Variants in RGMB observed in about 807,000 individuals in gnomAD.
RGMB encodes repulsive guidance molecule BMP co-receptor b.
Under a neutral mutation model 26.9 loss-of-function variants are expected in RGMB, and 16 were observed. That is an observed-to-expected ratio of 0.60 (90% confidence interval 0.40 to 0.90). The LOEUF (loss-of-function observed/expected upper bound fraction) is 0.90. Among genes scored for constraint, RGMB ranks in the 40% least tolerant of loss-of-function variants. The probability of loss-of-function intolerance (pLI) is 0.00; values close to 1 mark genes in which losing one functional copy is unlikely to be tolerated. For synonymous variants in RGMB, 225 were observed against 229.3 expected (o/e 0.98, Z 0.17); for missense variants, 512 against 573.3 (o/e 0.89, Z 1.09).
chr5:98,778,589 C>G (rs1366721640), intron 1 of RGMB, among the ~76,000 whole-genome samples: 1 of 152,170 alleles, frequency 6.6e-6, no homozygotes, highest in Non-Finnish European at 1.5e-5. Context: ...TGTCTCTTTT[C>G]ACTAAGTCTG....
chr5:98,775,594 C>A (rs1185017458), intron 1 of RGMB, among the ~76,000 whole-genome samples: 4 of 152,118 alleles, frequency 2.6e-5, no homozygotes, highest in African/African-American at 9.7e-5. Flanking sequence ...GGGATTGTGT[C>A]CCCCTTGGCT....
In RGMB at chr5:98,774,203, G is replaced by A; in HGVS notation, c.133G>A (p.Ala45Thr). ...GCTGTTCAGCCTCGGGCTGCTCCACGCAGGTAGGACGGGAGCGCGCGAGGG... is the reference window on the plus strand; with the variant it reads ...GCTGTTCAGCCTCGGGCTGCTCCACACAGGTAGGACGGGAGCGCGCGAGGG... ...LLLFSLGLLH[A>T]GDCQQPAQCR... The change falls in exon 1 of 3, where the codon GCA becomes ACA. Residue 45 changes from alanine (A) to threonine (T), a missense_variant. Coordinates refer to ENST00000513185, the MANE Select transcript of RGMB (RefSeq NM_001366508.1). 1 of 1,473,788 alleles carries A rather than the reference G, an allele frequency of 6.8e-7. No homozygotes were observed. Among genetic ancestry groups the A allele is most frequent in the Non-Finnish European group, 8.9e-7 (1 of 1,120,844 alleles). 91.3% of individuals were successfully genotyped at this position (1,473,788 alleles called of 1,614,324 possible). A position where few individuals can be genotyped will look rare whatever the true frequency, so the allele number is the denominator to read the frequency against.
At chr5:98,782,437 C>T (rs1025139455) in intron 2 of RGMB, among the ~76,000 whole-genome samples, 1 of 152,092 alleles carries the variant, frequency 6.6e-6, no homozygotes, top group African/African-American at 2.4e-5. Context: ...TGAAATTTTC[C>T]CTTAATGTCT....
chr5:98,793,793 A>C lies in RGMB; in HGVS notation c.*40A>C, dbSNP rs1308872458. Reference sequence around the variant, plus strand: ...TTTGGTTTTTTATTTTTTGTCTATAACAAAATTTTAAAATATATATTGTCA... The same window carrying C: ...TTTGGTTTTTTATTTTTTGTCTATACCAAAATTTTAAAATATATATTGTCA... On this transcript the variant is annotated 3_prime_UTR_variant, in exon 3 of 3. Transcript: ENST00000513185. 2 of 1,411,276 alleles carry C rather than the reference A, an allele frequency of 1.4e-6. No homozygotes were observed. Among genetic ancestry groups the C allele is most frequent in the Non-Finnish European group, 1.9e-6 (2 of 1,056,372 alleles). 87.4% of individuals were successfully genotyped at this position (1,411,276 alleles called of 1,614,324 possible). A position where few individuals can be genotyped will look rare whatever the true frequency, so the allele number is the denominator to read the frequency against.
rs1747028820 is a variant in RGMB, at chr5:98,793,908, GT to G, written c.*158del. ...ACACCCACCAGATTGTACATACTGTGTTTGGCTGTTTTCACATATGTTGGAT... is the reference window on the plus strand; with the variant it reads ...ACACCCACCAGATTGTACATACTGTGTTGGCTGTTTTCACATATGTTGGAT... On this transcript the variant is annotated 3_prime_UTR_variant, in exon 3 of 3. Coordinates refer to ENST00000513185, the MANE Select transcript of RGMB (RefSeq NM_001366508.1). 1.7e-6 allele frequency: 1 copy of G among 600,492 alleles called. No homozygotes were observed. The highest frequency in any genetic ancestry group is 3.4e-5 in the Admixed American group (1 of 29,752). The allele number at this position is 600,492 out of a possible 1,614,324, so 37.2% of individuals were successfully genotyped here. A position where few individuals can be genotyped will look rare whatever the true frequency, so the allele number is the denominator to read the frequency against.
In RGMB at chr5:98,793,528, A is replaced by T. The variant is rs1263157172; in HGVS notation, c.1089A>T (p.Pro363=). 6.2e-7 allele frequency: 1 copy of T among 1,614,008 alleles called. No individual in the cohort carries two copies. Among genetic ancestry groups the T allele is most frequent in the African/African-American group, 1.3e-5 (1 of 75,062 alleles). The change falls in exon 3 of 3, where the codon CCA becomes CCT. Residue 363 remains proline, a synonymous_variant. Transcript: ENST00000513185. The part of the protein sequence containing the change: ...TANTQCHEKM[P]VKDIYFQSCV... Reference sequence around the variant, plus strand: ...ACACTCAATGCCATGAGAAGATGCCAGTGAAGGACATCTATTTCCAGTCCT... The same window carrying T: ...ACACTCAATGCCATGAGAAGATGCCTGTGAAGGACATCTATTTCCAGTCCT...
At position 98,793,534 on chromosome 5, in the gene RGMB, G is replaced by T. The variant is rs1481780274; in HGVS notation, c.1095G>T (p.Lys365Asn). 6.2e-7 allele frequency: 1 copy of T among 1,613,976 alleles called. No individual in the cohort carries two copies. Residue 365 changes from lysine (K) to asparagine (N), a missense_variant, in exon 3 of 3, where the codon AAG becomes AAT. Physicochemically the swap from Lys to Asn is moderately conservative, Grantham distance 94. Coordinates refer to ENST00000513185, the MANE Select transcript of RGMB (RefSeq NM_001366508.1). ...AATGCCATGAGAAGATGCCAGTGAA[G>T]GACATCTATTTCCAGTCCTGTGTCT... ...NTQCHEKMPV[K>N]DIYFQSCVFD... is the part of the protein sequence containing the mutation.
intron 1 of RGMB, among the ~76,000 whole-genome samples, chr5:98,775,816 T>C (rs1723265885): frequency 6.6e-6 from 1 of 152,238 alleles, no homozygotes; most frequent in African/African-American, 2.4e-5. Flanking sequence ...AGCCCAACAA[T>C]GTGGTAAGCG....
At position 98,774,098 on chromosome 5, in the gene RGMB, G is replaced by A; in HGVS notation, c.28G>A (p.Ala10Thr). The A allele has an allele frequency of 8.1e-7, 1 of 1,238,920 alleles. No individual in the cohort carries two copies. The highest frequency in any genetic ancestry group is 1.1e-6 in the Non-Finnish European group (1 of 890,242). The allele number at this position is 1,238,920 out of a possible 1,614,324, so 76.7% of individuals were successfully genotyped here. Reference protein sequence around the residue: MGLRAAPSSAAAAAAEVEQR... With the variant: MGLRAAPSSTAAAAAEVEQR... ...GGGCTTGAGAGCAGCACCTTCCAGC[G>A]CCGCCGCTGCCGCCGCCGAGGTTGA... Residue 10 changes from alanine (A) to threonine (T), a missense_variant, in exon 1 of 3, where the codon GCC becomes ACC. Coordinates refer to ENST00000513185, the MANE Select transcript of RGMB (RefSeq NM_001366508.1).
chr5:98,790,190 T>C (rs1243514930), intron 2 of RGMB, among the ~76,000 whole-genome samples: 1 of 152,210 alleles, frequency 6.6e-6, no homozygotes, highest in Non-Finnish European at 1.5e-5. Flanking sequence ...TTACATTGAT[T>C]ATATCTCTAG....
intron 1 of RGMB, among the ~76,000 whole-genome samples, chr5:98,778,776 T>G (rs1018278399): frequency 1.3e-5 from 2 of 152,220 alleles, no homozygotes; most frequent in African/African-American, 2.4e-5. Context: ...TACTTTGGTT[T>G]TTCATAATGT....
In RGMB at chr5:98,780,217, G is replaced by T; in HGVS notation, c.645+129G>T. On this transcript the variant is annotated intron_variant, in intron 2 of 2. Transcript: ENST00000513185. ...AACTTCTTTTGAAAAGCAATTAACA[G>T]TTGATAAAGGGTTAAATAAAAATTA... 2.6e-6 allele frequency: 2 copies of T among 783,160 alleles called. 1 individual carries two copies. 48.5% of individuals were successfully genotyped at this position (783,160 alleles called of 1,614,324 possible). A position where few individuals can be genotyped will look rare whatever the true frequency, so the allele number is the denominator to read the frequency against.
chr5:98,772,210 T>C (rs1050190234), upstream of RGMB, among the ~76,000 whole-genome samples: 9 of 152,208 alleles, frequency 5.9e-5, no homozygotes, highest in Non-Finnish European at 8.8e-5. Flanking sequence ...ATATTGTGGA[T>C]AGTGAAAGGT....
At chr5:98,787,579 G>A (rs1580289316) in intron 2 of RGMB, among the ~76,000 whole-genome samples, 1 of 152,320 alleles carries the variant, frequency 6.6e-6, no homozygotes, top group Middle Eastern at 3.4e-3. Context: ...CTTCATATCT[G>A]GGCATATAGT....
intron 1 of RGMB, among the ~76,000 whole-genome samples, chr5:98,778,521 C>T (rs2112347212): frequency 6.6e-6 from 1 of 152,206 alleles, no homozygotes; most frequent in Middle Eastern, 3.4e-3. Context: ...TTTTATGTAA[C>T]ACAAATAATG....
rs559132501 is a variant in RGMB at position 98,777,638 on chromosome 5, C to T, written c.137-1942C>T. 2.6e-5 allele frequency among the ~76,000 whole-genome samples: 4 copies of T among 152,226 alleles called. No homozygotes were observed. In the South Asian group the frequency reaches 6.2e-4, roughly 24 times the overall value. ...TTTCCCATCTGCAAAATGGCTTTAA[C>T]GCCTTTTGGAGTTGTTTAGTTGGTT... On this transcript the variant is annotated intron_variant, in intron 1 of 2. Transcript: ENST00000513185.
In RGMB at chr5:98,794,982, G is replaced by C. The variant is rs1184380948; in HGVS notation, c.*1229G>C. Reference sequence around the variant, plus strand: ...CAGATATTCTTGTTAACTAAGCATTGTGCTTCCCAGGTGGTCTGAAGTCAG... The same window carrying C: ...CAGATATTCTTGTTAACTAAGCATTCTGCTTCCCAGGTGGTCTGAAGTCAG... On this transcript the variant is annotated 3_prime_UTR_variant, in exon 3 of 3. Transcript: ENST00000513185. 1 of 152,180 alleles carries C rather than the reference G, an allele frequency of 6.6e-6. No homozygotes were observed. The highest frequency in any genetic ancestry group is 1.5e-5 in the Non-Finnish European group (1 of 68,026). The allele number at this position is 152,180 out of a possible 1,614,324, so 9.4% of individuals were successfully genotyped here. A position where few individuals can be genotyped will look rare whatever the true frequency, so the allele number is the denominator to read the frequency against.
At position 98,779,567 on chromosome 5, in the gene RGMB, T is replaced by C; in HGVS notation, c.137-13T>C. 6.6e-7 allele frequency: 1 copy of C among 1,505,194 alleles called. No individual in the cohort carries two copies. The highest frequency in any genetic ancestry group is 1.8e-4 in the Middle Eastern group (1 of 5,554). The allele number at this position is 1,505,194 out of a possible 1,614,324, so 93.2% of individuals were successfully genotyped here. ...GAGTTTACAAATGTTTGGTCTTATC[T>C]TCTTTCCCATAGGTGACTGCCAACA... is the stretch of plus-strand genomic sequence containing the variant. On this transcript the variant is annotated splice_polypyrimidine_tract_variant and intron_variant, in intron 1 of 2. Coordinates refer to ENST00000513185, the MANE Select transcript of RGMB (RefSeq NM_001366508.1).
At chr5:98,778,933 A>G (rs1746502687) in intron 1 of RGMB, among the ~76,000 whole-genome samples, 1 of 151,804 alleles carries the variant, frequency 6.6e-6, no homozygotes, top group African/African-American at 2.4e-5. Context: ...TAGAGCATTT[A>G]CATTTTGTAG....
Sources: gnomAD v4.1 joint callset for allele counts (sites outside exome capture counted in the v4.1 genomes callset) on GRCh38, gnomAD v4.1.1 for gene constraint, MANE v1.5 for transcripts, NCBI Gene and HGNC (gene_info 2026-07-23, HGNC 2026-07-21) for gene names.